The following PAM variants were observed in gnomAD, a reference collection of about 807,000 sequenced individuals.
PAM encodes the protein peptidylglycine alpha-amidating monooxygenase, also known as peptidyl-glycine alpha-amidating monooxygenase.
A neutral mutation model predicts 122.1 loss-of-function variants in PAM; 72 were observed. The observed-to-expected ratio is 0.59, with a 90% CI of 0.49 to 0.72. The LOEUF (loss-of-function observed/expected upper bound fraction) is 0.72. Ranked by LOEUF, PAM falls within the 30% of genes least tolerant of loss-of-function variation. The pLI is 0.00. For missense variants in PAM, 1,106 were observed against 1,183.7 expected (o/e 0.93, Z 0.96); for synonymous variants, 389 against 404.4 (o/e 0.96, Z 0.46).
At chr5:102,815,122 A>C (rs937853034) in intron 1 of PAM, among the ~76,000 whole-genome samples, 1 of 152,108 alleles carries the variant, frequency 6.6e-6, no homozygotes, top group Non-Finnish European at 1.5e-5. Flanking sequence ...TATGCTACAC[A>C]CTGGGGTCTC....
intron 16 of PAM, among the ~76,000 whole-genome samples, chr5:102,997,962 G>A (rs1251582473): frequency 6.6e-6 from 1 of 152,154 alleles, no homozygotes; most frequent in African/African-American, 2.4e-5. Flanking sequence ...TGTTTTCTTG[G>A]AAGCCAAGCC....
At chr5:102,820,555 T>C (rs905173203) in intron 1 of PAM, among the ~76,000 whole-genome samples, 27 of 152,094 alleles carry the variant, frequency 1.8e-4, no homozygotes, top group African/African-American at 6.3e-4. Flanking sequence ...AAATGGTATT[T>C]TTAAGAAGAA....
At chr5:102,959,418 T>G (rs900186364) in intron 12 of PAM, among the ~76,000 whole-genome samples, 12 of 152,104 alleles carry the variant, frequency 7.9e-5, no homozygotes, top group Non-Finnish European at 1.3e-4. Context: ...AAAGCCATTT[T>G]TAAAGACTTA....
At chr5:102,841,079 G>A (rs895972370) in intron 1 of PAM, among the ~76,000 whole-genome samples, 18 of 152,016 alleles carry the variant, frequency 1.2e-4, no homozygotes, top group Non-Finnish European at 2.1e-4. Context: ...CACTGAGCTG[G>A]ATTGTTTAAG....
chr5:102,912,268 A>G (rs1352907704), intron 4 of PAM, among the ~76,000 whole-genome samples: 1 of 152,000 alleles, frequency 6.6e-6, no homozygotes, highest in Non-Finnish European at 1.5e-5. Flanking sequence ...ATAACCTCTC[A>G]TGCATTGGCA....
At chr5:102,760,310 A>G (rs1751939822) in intron 1 of PAM, among the ~76,000 whole-genome samples, 1 of 152,150 alleles carries the variant, frequency 6.6e-6, no homozygotes, top group South Asian at 2.1e-4. Context: ...CTATGCTGAT[A>G]CTACTGCTAC....
intron 1 of PAM, among the ~76,000 whole-genome samples, chr5:102,833,308 A>T (rs928800828): frequency 2.0e-5 from 3 of 152,016 alleles, no homozygotes; most frequent in African/African-American, 7.2e-5. Context: ...ATTTTTGCTT[A>T]TTTTTCTTGG....
chr5:102,976,077 A>G (rs1203722616), intron 15 of PAM, among the ~76,000 whole-genome samples: 8 of 152,142 alleles, frequency 5.3e-5, no homozygotes, highest in Non-Finnish European at 2.9e-5. Context: ...CTTCTCTAGT[A>G]TCTGTTTAGG....
intron 3 of PAM, among the ~76,000 whole-genome samples, chr5:102,896,590 T>A (rs1294656228): frequency 1.3e-5 from 2 of 151,652 alleles, no homozygotes; most frequent in Non-Finnish European, 3.0e-5. Flanking sequence ...TGATAGGGGA[T>A]GGAACTAGTA....
intron 4 of PAM, among the ~76,000 whole-genome samples, chr5:102,903,014 G>T (rs891079792): frequency 6.6e-6 from 1 of 151,454 alleles, no homozygotes; most frequent in Non-Finnish European, 1.5e-5. Flanking sequence ...AAATACAAGT[G>T]AGTATATTCA....
intron 3 of PAM, among the ~76,000 whole-genome samples, chr5:102,882,357 CT>C (rs1324549127): frequency 6.6e-6 from 1 of 151,118 alleles, no homozygotes; most frequent in Non-Finnish European, 1.5e-5. Context: ...AAAGTTTTCC[CT>C]TTTTTACCAC....
chr5:102,899,520 C>T (rs918074048), intron 3 of PAM, among the ~76,000 whole-genome samples: 1 of 151,586 alleles, frequency 6.6e-6, no homozygotes, highest in Non-Finnish European at 1.5e-5. Context: ...ACCTTTTGAT[C>T]CTTTTTCATT....
chr5:103,009,739 T>A lies in PAM; in HGVS notation c.2216-12T>A. ...TATTTTAAAGAAAGGTTAACTGGAT[T>A]TGCTGTTGCAGGCTTGCTCTTTGCA... is the stretch of plus-strand genomic sequence containing the variant. On this transcript the variant is annotated splice_polypyrimidine_tract_variant and intron_variant, in intron 20 of 25. Coordinates refer to ENST00000438793, the MANE Select transcript of PAM (RefSeq NM_001177306.2). The A allele has an allele frequency of 1.4e-6, 2 of 1,395,430 alleles. No homozygotes were observed. The highest frequency in any genetic ancestry group is 2.0e-6 in the Non-Finnish European group (2 of 980,778). 86.4% of individuals were successfully genotyped at this position (1,395,430 alleles called of 1,614,324 possible).
At chr5:102,946,527 T>A (rs942335118) in intron 7 of PAM, among the ~76,000 whole-genome samples, 8 of 149,496 alleles carry the variant, frequency 5.4e-5, no homozygotes, top group African/African-American at 1.7e-4. Context: ...ATACAGATAA[T>A]GCATAGAGAG....
At chr5:102,997,420 G>A (rs1582716961) in intron 16 of PAM, among the ~76,000 whole-genome samples, 1 of 152,134 alleles carries the variant, frequency 6.6e-6, no homozygotes, top group East Asian at 1.9e-4. Context: ...TCATGAGGCT[G>A]AGATGGGAGG....
chr5:102,811,666 A>T (rs917920365), intron 1 of PAM, among the ~76,000 whole-genome samples: 2 of 152,244 alleles, frequency 1.3e-5, no homozygotes, highest in Non-Finnish European at 2.9e-5. Context: ...GGATAACAAA[A>T]TGCATGGCTG....
chr5:102,912,903 C>T (rs1056048263), intron 4 of PAM, among the ~76,000 whole-genome samples: 1 of 152,176 alleles, frequency 6.6e-6, no homozygotes, highest in Non-Finnish European at 1.5e-5. Context: ...AGGTTTGGCA[C>T]ATAGTGCTAT....
At position 102,959,570 on chromosome 5, in the gene PAM, AT is replaced by A. The variant is rs1474015788; in HGVS notation, c.906-303del. Among the ~76,000 whole-genome samples, 3 of 152,246 alleles carry A rather than the reference AT, an allele frequency of 2.0e-5. No individual in the cohort carries two copies. In the South Asian group the frequency reaches 6.2e-4, roughly 32 times the overall value. On this transcript the variant is annotated intron_variant, in intron 12 of 25. Transcript: ENST00000438793. Reference sequence around the variant, plus strand: ...TAGGAGGGGACTAAAGAATAAAAAGATTCAAGAGAGAAAAGAAAGTACCATA... The same window carrying A: ...TAGGAGGGGACTAAAGAATAAAAAGATCAAGAGAGAAAAGAAAGTACCATA...
In PAM at chr5:102,924,946, A is replaced by C. The variant is rs1252569893; in HGVS notation, c.357-11A>C. ...TAAATCTTCATTTATACTACTTTTT[A>C]TTTTCTTCAGGTTTTGTGATGAAGG... is the stretch of plus-strand genomic sequence containing the variant. On this transcript the variant is annotated splice_polypyrimidine_tract_variant and intron_variant, in intron 5 of 25. Transcript: ENST00000438793. The C allele has an allele frequency of 2.2e-6, 3 of 1,375,326 alleles. No individual in the cohort carries two copies. Among genetic ancestry groups the C allele is most frequent in the Non-Finnish European group, 3.1e-6 (3 of 962,482 alleles). The allele number at this position is 1,375,326 out of a possible 1,614,324, so 85.2% of individuals were successfully genotyped here.
Sources: allele counts gnomAD v4.1 joint callset (sites outside exome capture counted in the v4.1 genomes callset), GRCh38; gene constraint gnomAD v4.1.1; transcripts MANE v1.5; gene names NCBI Gene and HGNC (gene_info 2026-07-23, HGNC 2026-07-21).